DEDD2: variants seen among roughly 807,000 people sequenced by gnomAD.
DEDD2 encodes the protein DNA-binding death effector domain-containing protein 2.
Under a neutral mutation model 28.9 loss-of-function variants are expected in DEDD2, and 18 were observed. The ratio of observed to expected loss-of-function variants is 0.62; its 90% CI spans 0.43 to 0.92. The LOEUF (loss-of-function observed/expected upper bound fraction) is 0.92. Among genes scored for constraint, DEDD2 ranks in the 40% least tolerant of loss-of-function variants. The probability of loss-of-function intolerance (pLI) is 0.00; values close to 1 mark genes in which losing one functional copy is unlikely to be tolerated. For missense variants in DEDD2, 411 were observed against 463.3 expected (o/e 0.89, Z 1.04); for synonymous variants, 211 against 206.1 (o/e 1.02, Z -0.20).
chr19:42,212,106 C>G (rs1407815650), intron 3 of DEDD2: 1 of 151,816 alleles, frequency 6.6e-6, no homozygotes, highest in South Asian at 2.1e-4. Flanking sequence ...TGGCTCACAC[C>G]TATAATCCCA....
At chr19:42,217,339 G>T (rs1215941458) in intron 1 of DEDD2, among the ~76,000 whole-genome samples, 1 of 151,800 alleles carries the variant, frequency 6.6e-6, no homozygotes, top group African/African-American at 2.4e-5. Flanking sequence ...CCCACCCCGG[G>T]GCTCCCTGCT....
intron 4 of DEDD2, among the ~76,000 whole-genome samples, chr19:42,202,785 A>C (rs1313931679): frequency 6.6e-6 from 1 of 152,204 alleles, no homozygotes; most frequent in Non-Finnish European, 1.5e-5. Flanking sequence ...CCTTCAGCAG[A>C]CCACACACTC....
At chr19:42,220,078 G>C (rs954555402), upstream of DEDD2, 2 of 152,264 alleles carry the variant, frequency 1.3e-5, no homozygotes, top group African/African-American at 4.8e-5. Flanking sequence ...GCTCACCAAA[G>C]GTTGCCCGAG....
In DEDD2 at chr19:42,209,735, G is replaced by A. The variant is rs1458893027; in HGVS notation, c.554C>T (p.Pro185Leu). The part of the protein sequence containing the change: ...APAAPQQQSE[P>L]ARPSSEGKVT... ...TTTGCCTTCAGAGGAAGGTCTGGCG[G>A]GCTCTGACTGCTGCTGGGGTGCGGC... The change falls in exon 4 of 5, where the codon CCC becomes CTC. Residue 185 changes from proline (P) to leucine (L), a missense_variant. This residue lies in a region of DEDD2 where 282 missense variants were observed against 273.4 expected (regional missense o/e 1.03). Transcript: ENST00000596251. 3 of 1,607,408 alleles carry A rather than the reference G, an allele frequency of 1.9e-6. No individual in the cohort carries two copies. Among genetic ancestry groups the A allele is most frequent in the African/African-American group, 1.3e-5 (1 of 74,406 alleles).
At chr19:42,218,513 G>A (rs2036065830), upstream of DEDD2, among the ~76,000 whole-genome samples, 1 of 152,166 alleles carries the variant, frequency 6.6e-6, no homozygotes, top group South Asian at 2.1e-4. Context: ...CTGTCAGGGA[G>A]TCTAGGCTGT....
chr19:42,216,107 C>G (rs1003522704), intron 2 of DEDD2, among the ~76,000 whole-genome samples: 2 of 152,188 alleles, frequency 1.3e-5, no homozygotes, highest in African/African-American at 4.8e-5. Flanking sequence ...GGCAGTGCAG[C>G]CTCAGGGCAA....
intron 1 of DEDD2, among the ~76,000 whole-genome samples, chr19:42,217,365 T>C (rs1056039139): frequency 6.6e-6 from 1 of 152,126 alleles, no homozygotes; most frequent in Non-Finnish European, 1.5e-5. Context: ...CCCCTGACTC[T>C]GGGTAGGACT....
intron 3 of DEDD2, chr19:42,211,986 G>A (rs904603461): frequency 4.6e-5 from 7 of 151,566 alleles, no homozygotes; most frequent in Non-Finnish European, 7.4e-5. Context: ...GCGGTGAGCC[G>A]AGATTGTGCC....
chr19:42,216,611 C>T (rs1217400415), intron 2 of DEDD2, 69 bp downstream of exon 2: 15 of 1,449,028 alleles, frequency 1.0e-5, no homozygotes, highest in Middle Eastern at 1.8e-4. Context: ...TATCAGGGCA[C>T]CAGGGAGGCC....
chr19:42,214,431 C>A (rs567827773), intron 3 of DEDD2, among the ~76,000 whole-genome samples: 1 of 152,218 alleles, frequency 6.6e-6, no homozygotes, highest in East Asian at 1.9e-4. Flanking sequence ...GCACCGAAGC[C>A]TGAGTGACAG....
At chr19:42,205,627 C>CAA (rs996062628) in intron 4 of DEDD2, among the ~76,000 whole-genome samples, 2 of 143,816 alleles carry the variant, frequency 1.4e-5, no homozygotes, top group South Asian at 2.2e-4. Context: ...AACTCCATCT[C>CAA]AAAAAAAAAA....
At chr19:42,203,377 G>T (rs1310725934) in intron 4 of DEDD2, among the ~76,000 whole-genome samples, 1 of 152,174 alleles carries the variant, frequency 6.6e-6, no homozygotes, top group Non-Finnish European at 1.5e-5. Context: ...AAGAAAAACA[G>T]GAGAGAAAAA....
chr19:42,210,557 C>T (rs1004875495), intron 3 of DEDD2, among the ~76,000 whole-genome samples: 1 of 151,812 alleles, frequency 6.6e-6, no homozygotes, highest in Middle Eastern at 3.2e-3. Flanking sequence ...CGACAACCGG[C>T]TAATTTTTTG....
chr19:42,216,242 GAACA>G (rs1370389219), intron 2 of DEDD2, among the ~76,000 whole-genome samples: 1 of 152,172 alleles, frequency 6.6e-6, no homozygotes, highest in African/African-American at 2.4e-5. Context: ...AAACTTCATG[GAACA>G]AACACCTTGT....
chr19:42,214,944 G>A (rs1321672773), intron 3 of DEDD2, among the ~76,000 whole-genome samples, 189 bp downstream of exon 3: 4 of 151,760 alleles, frequency 2.6e-5, no homozygotes, highest in African/African-American at 7.3e-5. Flanking sequence ...AACGAAACAC[G>A]AAACTATGTG....
At chr19:42,215,375 A>C in intron 2 of DEDD2, 123 bp from the exon 3 acceptor site, 1 of 1,205,814 alleles carries the variant, frequency 8.3e-7, no homozygotes, top group Non-Finnish European at 1.2e-6. Context: ...ATACCCACTC[A>C]TTCTCAAACA....
At chr19:42,210,405 T>G (rs1019513865) in intron 3 of DEDD2, among the ~76,000 whole-genome samples, 11 of 152,154 alleles carry the variant, frequency 7.2e-5, no homozygotes, top group Non-Finnish European at 1.6e-4. Context: ...TCATACTTTT[T>G]TTTTTGAGAC....
Position 42,216,937 on chromosome 19 carries a change from A to T in DEDD2, c.71T>A (p.Leu24Gln), listed in dbSNP as rs1280069383. ...CACCTCGAACATACGGTGAAGCGAC[A>T]GCATCCCGTAGTAGTCCAGGCACTC... ...EDECLDYYGM[L>Q]SLHRMFEVVG... Residue 24 changes from leucine (L) to glutamine (Q), a missense_variant, in exon 2 of 5, where the codon CTG (leucine) becomes CAG (glutamine). Physicochemically the swap from Leu to Gln is moderately radical, Grantham distance 113. Coordinates refer to ENST00000596251, the MANE Select transcript of DEDD2 (RefSeq NM_133328.4). The T allele has an allele frequency of 1.2e-6, 2 of 1,602,220 alleles. No homozygotes were observed. Among genetic ancestry groups the T allele is most frequent in the East Asian group, 4.5e-5 (2 of 44,016 alleles).
At chr19:42,206,542 G>A (rs961662147) in intron 4 of DEDD2, among the ~76,000 whole-genome samples, 2 of 152,156 alleles carry the variant, frequency 1.3e-5, no homozygotes, top group Non-Finnish European at 1.5e-5. Flanking sequence ...ACTAGTGACC[G>A]CCTTTCCCTG....
Sources: allele counts gnomAD v4.1 joint callset (sites outside exome capture counted in the v4.1 genomes callset), GRCh38; gene constraint gnomAD v4.1.1; regional missense constraint gnomAD v4.1.1; transcripts MANE v1.5; gene names NCBI Gene and HGNC (gene_info 2026-07-23, HGNC 2026-07-21).